The following ZNF804A variants were observed in gnomAD, a reference collection of about 807,000 sequenced individuals.
The protein encoded by ZNF804A is zinc finger protein 804A.
In ZNF804A, 2 loss-of-function variants were observed where a neutral mutation model predicts 16.5. The observed-to-expected ratio is 0.12, with a 90% confidence interval of 0.05 to 0.38. The LOEUF (loss-of-function observed/expected upper bound fraction) is 0.38. Among genes scored for constraint, ZNF804A ranks in the 10% least tolerant of loss-of-function variants. The pLI is 0.99. For missense variants in ZNF804A, 1,473 were observed against 1,390.7 expected (o/e 1.06, Z -0.94); for synonymous variants, 534 against 489.6 (o/e 1.09, Z -1.20).
In ZNF804A at chr2:184,914,603, TACAC is replaced by T. The variant is rs1193835263; in HGVS notation, c.256-18999_256-18996del. Among the ~76,000 whole-genome samples, 3 of 152,112 alleles carry T rather than the reference TACAC, an allele frequency of 2.0e-5. No homozygotes were observed. The East Asian group carries it at 5.8e-4, about 29-fold the overall frequency. On this transcript the variant is annotated intron_variant, in intron 2 of 3. Transcript: ENST00000302277. ...TGTCTAAGAGTTGGAAATCTAAAGT[TACAC>T]CAGATTTAAATTCCTCCATAAAGAA...
intron 1 of ZNF804A, among the ~76,000 whole-genome samples, chr2:184,623,310 AT>A (rs1320073006): frequency 6.6e-6 from 1 of 152,164 alleles, no homozygotes; most frequent in Non-Finnish European, 1.5e-5. Flanking sequence ...AAAAAAATTC[AT>A]TTTAATGCTT....
intron 1 of ZNF804A, among the ~76,000 whole-genome samples, chr2:184,621,473 G>C (rs1307807142): frequency 1.3e-5 from 2 of 151,684 alleles, no homozygotes; most frequent in East Asian, 1.9e-4. Context: ...CTGCCGTATT[G>C]TTCCTGGATA....
At position 184,737,509 on chromosome 2, in the gene ZNF804A, T is replaced by C. The variant is rs1202150971; in HGVS notation, c.112-128860T>C. On this transcript the variant is annotated intron_variant, in intron 1 of 3. Coordinates refer to ENST00000302277, the MANE Select transcript of ZNF804A (RefSeq NM_194250.2). ...AATGATAGTCATTTGTGTAAAACCT[T>C]ATACTTGGTGCTTTTGAACATGTTT... Among the ~76,000 whole-genome samples, 3 of 152,220 alleles carry C rather than the reference T, an allele frequency of 2.0e-5. No individual in the cohort carries two copies. The East Asian group carries it at 5.8e-4, about 29-fold the overall frequency.
chr2:184,889,149 AT>A (rs371362703), intron 2 of ZNF804A, among the ~76,000 whole-genome samples: 1,824 of 146,652 alleles, frequency 0.012, 32 homozygotes, highest in African/African-American at 0.042. Context: ...CTCTTCATGT[AT>A]TTTTTTTTTC....
chr2:184,931,171 G>A (rs1455395789), intron 2 of ZNF804A, among the ~76,000 whole-genome samples: 1 of 152,196 alleles, frequency 6.6e-6, no homozygotes, highest in Non-Finnish European at 1.5e-5. Flanking sequence ...CCAGGCACAT[G>A]GTATAAGCTG....
chr2:184,741,789 C>T (rs1693712033), intron 1 of ZNF804A, among the ~76,000 whole-genome samples: 1 of 152,026 alleles, frequency 6.6e-6, no homozygotes, highest in Non-Finnish European at 1.5e-5. Flanking sequence ...TAATAATACA[C>T]AGTTATCATA....
chr2:184,914,749 T>A (rs1316053424), intron 2 of ZNF804A, among the ~76,000 whole-genome samples: 1 of 152,042 alleles, frequency 6.6e-6, no homozygotes, highest in African/African-American at 2.4e-5. Flanking sequence ...ATGATATATT[T>A]ACACGTATAT....
chr2:184,804,990 T>C (rs1694781126), intron 1 of ZNF804A, among the ~76,000 whole-genome samples: 1 of 152,186 alleles, frequency 6.6e-6, no homozygotes, highest in Non-Finnish European at 1.5e-5. Flanking sequence ...TTAGTAGGTA[T>C]GGGACAGGCT....
rs1250633230 is a variant in ZNF804A at position 184,647,803 on chromosome 2, G to C, written c.111+48733G>C. On this transcript the variant is annotated intron_variant, in intron 1 of 3. Coordinates refer to ENST00000302277, the MANE Select transcript of ZNF804A (RefSeq NM_194250.2). Reference sequence around the variant, plus strand: ...AGAAAGAAAAAAGGTAAACCACCTGGAATACATATGTGAGTTAATAATTCA... The same window carrying C: ...AGAAAGAAAAAAGGTAAACCACCTGCAATACATATGTGAGTTAATAATTCA... Among the ~76,000 whole-genome samples the C allele has an allele frequency of 2.0e-5, 3 of 152,140 alleles. 1 individual carries two copies. The highest frequency in any genetic ancestry group is 4.4e-5 in the Non-Finnish European group (3 of 68,020).
intron 1 of ZNF804A, among the ~76,000 whole-genome samples, chr2:184,767,616 CAAACA>C (rs1463676751): frequency 1.3e-5 from 2 of 151,316 alleles, no homozygotes; most frequent in Non-Finnish European, 2.9e-5. Flanking sequence ...AAGTGTCAAA[CAAACA>C]AAAGTCACCA....
intron 3 of ZNF804A, among the ~76,000 whole-genome samples, chr2:184,935,215 A>G (rs575624298): frequency 6.6e-6 from 1 of 152,272 alleles, no homozygotes; most frequent in African/African-American, 2.4e-5. Flanking sequence ...ATTGAGACTA[A>G]CAATTTCAAA....
chr2:184,819,207 TA>T lies in ZNF804A; in HGVS notation c.112-47153del, dbSNP rs59552741. Among the ~76,000 whole-genome samples the T allele has an allele frequency of 5.3e-5, 8 of 150,664 alleles. No homozygotes were observed. The East Asian group carries it at 7.8e-4, about 15-fold the overall frequency. ...TCAGCAAATGCAAAAGAAAGGAAAT[TA>T]AAAAAAAAGTCTGTCAGATGACAGC... On this transcript the variant is annotated intron_variant, in intron 1 of 3. Transcript: ENST00000302277.
intron 1 of ZNF804A, among the ~76,000 whole-genome samples, chr2:184,792,535 G>C (rs1285635658): frequency 6.6e-6 from 1 of 152,070 alleles, no homozygotes; most frequent in Non-Finnish European, 1.5e-5. Context: ...AGTTCTAAAA[G>C]TTCTTTGTAT....
intron 1 of ZNF804A, among the ~76,000 whole-genome samples, chr2:184,829,738 T>G (rs976391884): frequency 4.0e-5 from 6 of 151,364 alleles, no homozygotes; most frequent in African/African-American, 1.5e-4. Context: ...TTTCACTGAT[T>G]ACATTTTTTT....
At chr2:184,800,916 A>AT (rs1168697152) in intron 1 of ZNF804A, among the ~76,000 whole-genome samples, 2 of 152,066 alleles carry the variant, frequency 1.3e-5, no homozygotes, top group Non-Finnish European at 2.9e-5. Flanking sequence ...TATTAGATGC[A>AT]TTTTTTAAAT....
chr2:184,626,904 T>C (rs573523322), intron 1 of ZNF804A, among the ~76,000 whole-genome samples: 1 of 152,286 alleles, frequency 6.6e-6, no homozygotes, highest in East Asian at 1.9e-4. Context: ...CTGTCATATA[T>C]ATGGACTTTC....
At chr2:184,878,743 T>C (rs901667054) in intron 2 of ZNF804A, among the ~76,000 whole-genome samples, 2 of 152,100 alleles carry the variant, frequency 1.3e-5, no homozygotes, top group African/African-American at 4.8e-5. Flanking sequence ...TTTTCACATT[T>C]GTGATGTATA....
chr2:184,704,256 A>G (rs1692983739), intron 1 of ZNF804A, among the ~76,000 whole-genome samples: 1 of 151,842 alleles, frequency 6.6e-6, no homozygotes, highest in Admixed American at 6.6e-5. Context: ...AGATCAAGCA[A>G]TTCAACTCCC....
At chr2:184,822,411 G>A (rs1404615872) in intron 1 of ZNF804A, among the ~76,000 whole-genome samples, 1 of 152,062 alleles carries the variant, frequency 6.6e-6, no homozygotes. Flanking sequence ...GCCTGGCAGA[G>A]CATCAGGAAG....
Sources: allele counts gnomAD v4.1 joint callset (sites outside exome capture counted in the v4.1 genomes callset), GRCh38; gene constraint gnomAD v4.1.1; transcripts MANE v1.5; gene names NCBI Gene and HGNC (gene_info 2026-07-23, HGNC 2026-07-21).